The following TENM2 variants were observed in gnomAD, a reference collection of about 807,000 sequenced individuals.
TENM2 encodes the protein teneurin transmembrane protein 2.
Under a neutral mutation model 245.2 loss-of-function variants are expected in TENM2, and 52 were observed. The ratio of observed to expected loss-of-function variants is 0.21; its 90% CI spans 0.17 to 0.27. TENM2 has a LOEUF of 0.27. Among genes scored for constraint, TENM2 ranks in the 10% least tolerant of loss-of-function variants. The pLI is 1.00. For missense variants in TENM2, 3,046 were observed against 3,666.8 expected, an observed-to-expected ratio of 0.83 and a Z score of 4.37; for synonymous variants, 1,363 against 1,438.9, an observed-to-expected ratio of 0.95 and a Z score of 1.19.
intron 2 of TENM2, among the ~76,000 whole-genome samples, chr5:167,380,734 G>A (rs988483464): frequency 2.6e-5 from 4 of 152,114 alleles, no homozygotes; most frequent in Non-Finnish European, 5.9e-5. Context: ...TAATCATTTG[G>A]TTTTAAGCTG....
the TENM2 span, among the ~76,000 whole-genome samples, chr5:167,043,382 C>T: frequency 6.6e-6 from 1 of 152,154 alleles, no homozygotes; most frequent in Non-Finnish European, 1.5e-5. Flanking sequence ...ATGTTTATTT[C>T]TGTCGGGGAA....
chr5:166,995,341 G>A, the TENM2 span, among the ~76,000 whole-genome samples: 1 of 151,764 alleles, frequency 6.6e-6, no homozygotes, highest in South Asian at 2.1e-4. Flanking sequence ...CCAGGTTCAC[G>A]CCATTCTCCT....
rs1218940229 is a variant in TENM2, at chr5:167,626,167, A to T, written c.503-249819A>T. Among the ~76,000 whole-genome samples the T allele has an allele frequency of 3.3e-5, 5 of 152,206 alleles. No individual in the cohort carries two copies. In the East Asian group the frequency reaches 9.7e-4, roughly 29 times the overall value. On this transcript the variant is annotated intron_variant, in intron 2 of 28. Transcript: ENST00000518659. The stretch of plus-strand genomic sequence containing the variant: ...GAGCATATTTAAAAACTACTACACC[A>T]TATTTCTGTAATGGCTAAGTTTTAT...
intron 1 of TENM2, among the ~76,000 whole-genome samples, chr5:167,294,539 AT>A (rs1283036435): frequency 1.3e-5 from 2 of 152,110 alleles, no homozygotes; most frequent in Admixed American, 6.5e-5. Flanking sequence ...TACATGTGCT[AT>A]TCACTCAGTG....
intron 2 of TENM2, among the ~76,000 whole-genome samples, chr5:167,643,279 C>A (rs746171416): frequency 1.4e-4 from 22 of 152,156 alleles, no homozygotes; most frequent in Non-Finnish European, 2.6e-4. Flanking sequence ...CCACACCCCG[C>A]CCTAGGCAAT....
chr5:167,922,861 C>T (rs541317801), intron 3 of TENM2, among the ~76,000 whole-genome samples: 101 of 152,320 alleles, frequency 6.6e-4, no homozygotes, highest in Middle Eastern at 3.4e-3. Context: ...GTTTATTGCT[C>T]CTCCTAGACC....
At chr5:167,808,805 C>G (rs1766420267) in intron 2 of TENM2, among the ~76,000 whole-genome samples, 1 of 152,044 alleles carries the variant, frequency 6.6e-6, no homozygotes, top group Non-Finnish European at 1.5e-5. Flanking sequence ...ACATTTGTTC[C>G]CTTAAATATT....
At position 168,244,785 on chromosome 5, in the gene TENM2, T is replaced by C. The variant is rs916952089; in HGVS notation, c.5817+69T>C. The C allele has an allele frequency of 5.1e-5, 67 of 1,314,698 alleles. No homozygotes were observed. Among genetic ancestry groups the C allele is most frequent in the Non-Finnish European group, 6.1e-5 (62 of 1,012,682 alleles). 81.4% of individuals were successfully genotyped at this position (1,314,698 alleles called of 1,614,324 possible). On this transcript the variant is annotated intron_variant, in intron 26 of 28. Transcript: ENST00000518659. This position sits in a 1 kb window ranked among gnomAD's most constrained non-coding sequence, Gnocchi z 4.9. ...TCTGTTATTCCGGCTTCTTTTTTTT[T>C]TTGAGACAGAGACTTGCTCTGTTGC...
At chr5:167,872,534 AAGAAAGAAAGAAAGAGAAAG>A (rs1773034566) in intron 2 of TENM2, among the ~76,000 whole-genome samples, 8 of 50,108 alleles carry the variant, frequency 1.6e-4, no homozygotes, top group African/African-American at 4.3e-4. Context: ...GAAAGAAAGA[AAGAAAGAAAGAAAGAGAAAG>A]AAAGAAAGAA....
chr5:167,965,905 G>A (rs1179808809), intron 4 of TENM2, among the ~76,000 whole-genome samples: 2 of 152,174 alleles, frequency 1.3e-5, no homozygotes, highest in African/African-American at 4.8e-5. Context: ...TGGGGAACTA[G>A]GAAGGGCGGG....
At chr5:167,381,030 T>G (rs1248175677) in intron 2 of TENM2, among the ~76,000 whole-genome samples, 1 of 152,150 alleles carries the variant, frequency 6.6e-6, no homozygotes, top group Non-Finnish European at 1.5e-5. Context: ...GTATAAGTTT[T>G]CTACAGACAA....
chr5:167,398,038 T>G (rs541311592), intron 2 of TENM2, among the ~76,000 whole-genome samples: 13 of 152,280 alleles, frequency 8.5e-5, no homozygotes, highest in African/African-American at 2.9e-4. Context: ...GTCCAAGGGC[T>G]TAGTAGAAAA....
chr5:167,162,713 T>C, the TENM2 span, among the ~76,000 whole-genome samples: 1 of 151,968 alleles, frequency 6.6e-6, no homozygotes, highest in Non-Finnish European at 1.5e-5. Flanking sequence ...TTTTGTGTAA[T>C]TGAAATAAAG....
chr5:167,408,160 T>G (rs1762729910), intron 2 of TENM2, among the ~76,000 whole-genome samples: 1 of 152,070 alleles, frequency 6.6e-6, no homozygotes, highest in Non-Finnish European at 1.5e-5. Flanking sequence ...AGAGACAAAC[T>G]ATAGAAACAC....
chr5:167,663,141 GGAGAGAGAGAGAGAGAGAGAGAGA>G (rs544699415), intron 2 of TENM2, among the ~76,000 whole-genome samples: 3 of 108,478 alleles, frequency 2.8e-5, no homozygotes, highest in African/African-American at 7.3e-5. Flanking sequence ...ATGGGGATGG[GGAGAGAGAGAGAGAGAGAGAGAGA>G]GAGAGAGAGA....
chr5:168,195,377 A>C (rs897597014), intron 15 of TENM2, 82 bp downstream of exon 17: 1 of 1,496,854 alleles, frequency 6.7e-7, no homozygotes, highest in Non-Finnish European at 9.0e-7. Flanking sequence ...GCTTGGAACC[A>C]CAGGATTCCC....
chr5:168,016,324 C>T (rs574990756), intron 5 of TENM2, among the ~76,000 whole-genome samples: 75 of 152,336 alleles, frequency 4.9e-4, no homozygotes, highest in Middle Eastern at 3.4e-3. Flanking sequence ...GAGTCCCCAA[C>T]GCCCTTCAAC....
the TENM2 span, among the ~76,000 whole-genome samples, chr5:167,275,780 C>G: frequency 2.0e-5 from 3 of 152,152 alleles, no homozygotes; most frequent in African/African-American, 7.2e-5. Context: ...GATTTTTCTG[C>G]AGATGCAATC....
intron 2 of TENM2, among the ~76,000 whole-genome samples, chr5:167,453,101 T>C (rs1172492597): frequency 6.6e-6 from 1 of 150,532 alleles, no homozygotes; most frequent in African/African-American, 2.4e-5. Flanking sequence ...ACAAGAAAAG[T>C]GGGGTGAGAA....
Sources: allele counts gnomAD v4.1 joint callset (sites outside exome capture counted in the v4.1 genomes callset), GRCh38; gene constraint gnomAD v4.1.1; non-coding constraint Gnocchi (gnomAD v3.1); transcripts MANE v1.5; gene names NCBI Gene and HGNC (gene_info 2026-07-23, HGNC 2026-07-21).